REV1: variants seen among roughly 807,000 people sequenced by gnomAD.
The protein encoded by REV1 is translesion synthesis protein REV1.
In REV1, 42 loss-of-function variants were observed where a neutral mutation model predicts 137.4. The observed-to-expected ratio is 0.31, with a 90% CI of 0.24 to 0.40. The LOEUF is 0.40. REV1 is among the 10% of genes least tolerant of loss of function. The pLI, the probability that REV1 is intolerant of heterozygous loss-of-function variation, is 1.00. For synonymous variants in REV1, 524 were observed against 519.2 expected (o/e 1.01, Z -0.12); for missense variants, 1,282 against 1,490.1 (o/e 0.86, Z 2.30).
At chr2:99,403,352 T>C in intron 19 of REV1, 2 of 567,398 alleles carry the variant, frequency 3.5e-6, no homozygotes, top group Non-Finnish European at 6.2e-6. Flanking sequence ...TAGTACTAAA[T>C]GTGGGTTTGA....
At chr2:99,469,529 G>A (rs1365332123) in intron 1 of REV1, among the ~76,000 whole-genome samples, 1 of 152,060 alleles carries the variant, frequency 6.6e-6, no homozygotes, top group African/African-American at 2.4e-5. Flanking sequence ...CAACTAGCCA[G>A]GTGAGGTAAG....
At position 99,406,325 on chromosome 2, in the gene REV1, C is replaced by T; in HGVS notation, c.2614G>A (p.Val872Ile). Residue 872 changes from valine (V) to isoleucine (I), a missense_variant and splice_region_variant, in exon 16 of 23, where the codon GTA becomes ATA. Val to Ile is a conservative substitution (Grantham distance 29). Transcript: ENST00000258428. ...KKSTEEEHKE[V>I]FRAAVDLEIS... is the part of the protein sequence containing the mutation. The stretch of plus-strand genomic sequence containing the variant: ...AAGAACCACATTGATGACCACCAAC[C>T]TTCTTTGTGCTCCTCTTCGGTGGAT... The T allele has an allele frequency of 6.2e-7, 1 of 1,608,492 alleles. No homozygotes were observed. The highest frequency in any genetic ancestry group is 8.5e-7 in the Non-Finnish European group (1 of 1,177,098).
chr2:99,436,995 T>TG (rs1021924834), intron 6 of REV1, among the ~76,000 whole-genome samples: 2 of 150,996 alleles, frequency 1.3e-5, no homozygotes, highest in African/African-American at 2.4e-5. Flanking sequence ...TTTTTGTTTT[T>TG]TTTTTTTTTT....
At chr2:99,429,510 G>A (rs1044270225) in intron 9 of REV1, among the ~76,000 whole-genome samples, 7 of 152,022 alleles carry the variant, frequency 4.6e-5, no homozygotes, top group Non-Finnish European at 8.8e-5. Context: ...AGATTAGAGG[G>A]AATAAATATT....
At chr2:99,471,043 G>C (rs1215305766) in intron 1 of REV1, among the ~76,000 whole-genome samples, 1 of 152,198 alleles carries the variant, frequency 6.6e-6, no homozygotes, top group Non-Finnish European at 1.5e-5. Flanking sequence ...TGCAATGAAT[G>C]AATGTGCACA....
rs751001097 is a variant in REV1, at chr2:99,412,720, A to G, written c.2172+11T>C. On this transcript the variant is annotated intron_variant, in intron 13 of 22. Coordinates refer to ENST00000258428, the MANE Select transcript of REV1 (RefSeq NM_016316.4). The stretch of plus-strand genomic sequence containing the variant: ...AGCAACAGATGGCAAAATCTGTTCA[A>G]TGATCAGTACCTGAGTAAACCTTAT... The G allele has an allele frequency of 6.2e-6, 10 of 1,604,128 alleles. No individual in the cohort carries two copies. The highest frequency in any genetic ancestry group is 1.7e-5 in the Admixed American group (1 of 59,990).
Position 99,442,264 on chromosome 2 carries a change from A to C in REV1, c.503+53T>G, listed in dbSNP as rs1021608851. 113 of 1,364,372 alleles carry C rather than the reference A, an allele frequency of 8.3e-5. No individual in the cohort carries two copies. The East Asian group carries it at 2.2e-3, about 26-fold the overall frequency. 84.5% of individuals were successfully genotyped at this position (1,364,372 alleles called of 1,614,324 possible). ...CAAAACTCCATCTCAAAAAAAAAAA[A>C]AAAAAAAAAAAACCAACCAGCTTTG... On this transcript the variant is annotated intron_variant, in intron 5 of 22. Transcript: ENST00000258428.
chr2:99,485,617 T>C lies in REV1; in HGVS notation c.-11+4200A>G, dbSNP rs138841435. Among the ~76,000 whole-genome samples the C allele has an allele frequency of 2.0e-5, 3 of 152,350 alleles. No homozygotes were observed. The South Asian group carries it at 6.2e-4, about 32-fold the overall frequency. ...GGGAACTCTATAAAAGCCACTCTGGTGGGCGGTTGTTGAGATAATCACTCT... is the reference window on the plus strand; with the variant it reads ...GGGAACTCTATAAAAGCCACTCTGGCGGGCGGTTGTTGAGATAATCACTCT... On this transcript the variant is annotated intron_variant, in intron 1 of 22. Coordinates refer to ENST00000258428, the MANE Select transcript of REV1 (RefSeq NM_016316.4).
At chr2:99,489,500 T>A (rs1259514157) in intron 1 of REV1, among the ~76,000 whole-genome samples, 1 of 119,946 alleles carries the variant, frequency 8.3e-6, no homozygotes, top group African/African-American at 3.2e-5. Flanking sequence ...GAAGGGCCGC[T>A]GCGCCAGGGG....
At chr2:99,407,445 G>A (rs373594395) in intron 15 of REV1, among the ~76,000 whole-genome samples, 1 of 151,414 alleles carries the variant, frequency 6.6e-6, no homozygotes, top group African/African-American at 2.4e-5. Flanking sequence ...CCAGCTACTC[G>A]GGAGGCTGAA....
At chr2:99,476,858 C>T (rs1411341103) in intron 1 of REV1, among the ~76,000 whole-genome samples, 2 of 152,222 alleles carry the variant, frequency 1.3e-5, no homozygotes, top group African/African-American at 2.4e-5. Flanking sequence ...CATAACTTCG[C>T]TGGCAGAGGA....
intron 1 of REV1, among the ~76,000 whole-genome samples, chr2:99,475,395 T>C (rs1259373155): frequency 6.6e-6 from 1 of 152,238 alleles, no homozygotes; most frequent in Non-Finnish European, 1.5e-5. Flanking sequence ...GGATATGACC[T>C]AATGCTTGCT....
rs551688008 is a variant in REV1, at chr2:99,452,588, G to A, written c.182-3084C>T. Among the ~76,000 whole-genome samples the A allele has an allele frequency of 7.1e-3, 863 of 121,296 alleles. 4 individuals carry two copies. The highest frequency in any genetic ancestry group is 0.012 in the Non-Finnish European group (651 of 55,062). 79.6% of individuals were successfully genotyped at this position (121,296 alleles called of 152,430 possible). ...AGCACTGATAATCTGAAATTACCAT[G>A]TCTGTTTGTTTACTTGTTTACTGTC... On this transcript the variant is annotated intron_variant, in intron 3 of 22. Coordinates refer to ENST00000258428, the MANE Select transcript of REV1 (RefSeq NM_016316.4).
At position 99,401,359 on chromosome 2, in the gene REV1, GT is replaced by G; in HGVS notation, c.3645-8del. On this transcript the variant is annotated splice_region_variant and splice_polypyrimidine_tract_variant and intron_variant, in intron 22 of 22. Coordinates refer to ENST00000258428, the MANE Select transcript of REV1 (RefSeq NM_016316.4). Reference sequence around the variant, plus strand: ...CACCGATTGCTGCATCAGCCTAAAGGTGGGGAGAGAAGAAATGTCATTAGGA... The same window carrying G: ...CACCGATTGCTGCATCAGCCTAAAGGGGGGAGAGAAGAAATGTCATTAGGA... 1 of 1,590,916 alleles carries G rather than the reference GT, an allele frequency of 6.3e-7. No individual in the cohort carries two copies.
intron 11 of REV1, among the ~76,000 whole-genome samples, chr2:99,419,205 A>ATTTTTTTTT (rs774732084): frequency 8.6e-6 from 1 of 116,016 alleles, no homozygotes; most frequent in African/African-American, 3.3e-5. Flanking sequence ...AGCAGTCCTG[A>ATTTTTTTTT]TTTTTTTTTT....
Position 99,410,710 on chromosome 2 carries a change from C to G in REV1, c.2330G>C (p.Cys777Ser), listed in dbSNP as rs769819988. Residue 777 changes from cysteine to serine, a missense_variant, in exon 14 of 23, where the codon TGT (cysteine) becomes TCT (serine). Around this residue, in one of 7 missense-constraint regions of REV1, gnomAD observed 372 missense variants for 482.3 expected, o/e 0.77. Transcript: ENST00000258428. ...GTGAGCTTACCTGGCAATGTTATCA[C>G]AAATTCCATGGCCTCCAAATTTTGC... is the stretch of plus-strand genomic sequence containing the variant. ...ETAKFGGHGI[C>S]DNIARTVTLD... 6.3e-7 allele frequency: 1 copy of G among 1,588,800 alleles called. No homozygotes were observed. Among genetic ancestry groups the G allele is most frequent in the South Asian group, 1.2e-5 (1 of 86,028 alleles).
intron 12 of REV1, among the ~76,000 whole-genome samples, chr2:99,417,111 C>A (rs1312076808): frequency 6.6e-6 from 1 of 151,960 alleles, no homozygotes; most frequent in Non-Finnish European, 1.5e-5. Context: ...GAAGTCCTGA[C>A]CCCAGTACTT....
At chr2:99,444,550 T>C (rs1395173165) in intron 4 of REV1, among the ~76,000 whole-genome samples, 3 of 152,216 alleles carry the variant, frequency 2.0e-5, no homozygotes, top group African/African-American at 7.2e-5. Context: ...AGTCAGTCCA[T>C]GGAGACTGCT....
intron 21 of REV1, 123 bp from the exon 22 acceptor site, chr2:99,402,469 G>T (rs145576214): frequency 1.0e-4 from 84 of 810,618 alleles, no homozygotes; most frequent in Non-Finnish European, 1.6e-4. Context: ...CAAAGGAATG[G>T]GCTTTGTTAC....
Sources: allele counts gnomAD v4.1 joint callset (sites outside exome capture counted in the v4.1 genomes callset), GRCh38; gene constraint gnomAD v4.1.1; regional missense constraint gnomAD v4.1.1; transcripts MANE v1.5; gene names NCBI Gene and HGNC (gene_info 2026-07-23, HGNC 2026-07-21).